The following HTR4 variants were observed in gnomAD, a reference collection of about 807,000 sequenced individuals.
HTR4 encodes the protein 5-hydroxytryptamine (serotonin) receptor 4, G protein-coupled.
Under a neutral mutation model 36.8 loss-of-function variants are expected in HTR4, and 16 were observed. The ratio of observed to expected loss-of-function variants is 0.43; its 90% CI spans 0.29 to 0.66. The LOEUF (loss-of-function observed/expected upper bound fraction) is 0.66. Among genes scored for constraint, HTR4 ranks in the 30% least tolerant of loss-of-function variants. The probability of loss-of-function intolerance (pLI) is 0.13; values close to 1 mark genes in which losing one functional copy is unlikely to be tolerated. For missense variants in HTR4, 438 were observed against 490.9 expected, an observed-to-expected ratio of 0.89 and a Z score of 1.02; for synonymous variants, 189 against 185.1, an observed-to-expected ratio of 1.02 and a Z score of -0.17.
At position 148,598,525 on chromosome 5, in the gene HTR4, C is replaced by A. The variant is rs190344235; in HGVS notation, c.26+38464G>T. Among the ~76,000 whole-genome samples the A allele has an allele frequency of 4.6e-5, 7 of 151,566 alleles. No homozygotes were observed. In the East Asian group the frequency reaches 1.2e-3, roughly 25 times the overall value. On this transcript the variant is annotated intron_variant, in intron 2 of 6. Coordinates refer to ENST00000377888, the MANE Select transcript of HTR4 (RefSeq NM_000870.7). ...CAAGATCTTACCACTGCACTCCAGC[C>A]TGGGTGACAGAGTGAGACTCTGTCT... is the stretch of plus-strand genomic sequence containing the variant.
chr5:148,457,493 G>A (rs1484512039), intron 5 of HTR4, among the ~76,000 whole-genome samples: 1 of 151,908 alleles, frequency 6.6e-6, no homozygotes, highest in African/African-American at 2.4e-5. Context: ...AGCCCCCTCT[G>A]CCTGCCCAGG....
chr5:148,491,472 T>G (rs560810398), intron 6 of HTR4, among the ~76,000 whole-genome samples: 1 of 152,274 alleles, frequency 6.6e-6, no homozygotes, highest in South Asian at 2.1e-4. Flanking sequence ...CTCAGAGGAC[T>G]AGTTTGAAGC....
chr5:148,518,893 T>C (rs1443995523), intron 5 of HTR4, among the ~76,000 whole-genome samples: 3 of 152,206 alleles, frequency 2.0e-5, no homozygotes, highest in Admixed American at 6.6e-5. Flanking sequence ...AAGGTGAATG[T>C]CATGTGTAAA....
chr5:148,470,668 G>A (rs573452904), intron 5 of HTR4, among the ~76,000 whole-genome samples: 1 of 152,290 alleles, frequency 6.6e-6, no homozygotes, highest in Admixed American at 6.5e-5. Flanking sequence ...CAGAGCTGTA[G>A]TTTGCTAACT....
chr5:148,615,082 G>A (rs1245539377), intron 2 of HTR4, among the ~76,000 whole-genome samples: 18 of 151,482 alleles, frequency 1.2e-4, no homozygotes, highest in African/African-American at 4.4e-4. Context: ...ACTGTTGGTG[G>A]GACTGTAAAC....
Position 148,516,360 on chromosome 5 carries a change from C to A in HTR4, c.508-6336G>T, listed in dbSNP as rs2113784355. 2.1e-5 allele frequency among the ~76,000 whole-genome samples: 3 copies of A among 139,798 alleles called. No individual in the cohort carries two copies. In the Middle Eastern group the frequency reaches 0.012, roughly 550 times the overall value. 91.7% of individuals were successfully genotyped at this position (139,798 alleles called of 152,430 possible). A position where few individuals can be genotyped will look rare whatever the true frequency, so the allele number is the denominator to read the frequency against. ...TTTGAGACTAGGTCTTGCTGTGTCA[C>A]CCAGGCTGGAGTGCAATGGCACAAT... is the stretch of plus-strand genomic sequence containing the variant. On this transcript the variant is annotated intron_variant, in intron 5 of 6. Transcript: ENST00000377888.
intron 1 of HTR4, among the ~76,000 whole-genome samples, chr5:148,643,541 G>A (rs1262467171): frequency 6.6e-6 from 1 of 152,154 alleles, no homozygotes; most frequent in Non-Finnish European, 1.5e-5. Flanking sequence ...AGAAGATTCA[G>A]TCATTAATTT....
downstream of HTR4, chr5:148,476,883 A>G (rs1039329863): frequency 3.7e-6 from 5 of 1,361,074 alleles, no homozygotes; most frequent in African/African-American, 7.3e-5. Flanking sequence ...AGGCTGGAAA[A>G]GACTTCAGGT....
intron 5 of HTR4, among the ~76,000 whole-genome samples, chr5:148,521,762 T>C (rs777944659): frequency 2.0e-5 from 3 of 152,088 alleles, no homozygotes; most frequent in Admixed American, 6.6e-5. Context: ...TTCTTCTCCA[T>C]TGAGAACCAA....
chr5:148,501,989 G>A lies in HTR4; in HGVS notation c.1076+7467C>T, dbSNP rs533469420. ...GAAAGAGAATGGCGTGAACCTGGGA[G>A]GCAGAGCTTGCAGTGAGCCCAGATC... On this transcript the variant is annotated intron_variant, in intron 6 of 6. Transcript: ENST00000377888. 3.3e-5 allele frequency among the ~76,000 whole-genome samples: 5 copies of A among 152,090 alleles called. 1 individual carries two copies. The highest frequency in any genetic ancestry group is 1.2e-4 in the African/African-American group (5 of 41,484).
intron 5 of HTR4, among the ~76,000 whole-genome samples, chr5:148,511,619 T>TTTTGTGTGTGTG (rs1757500855): frequency 7.2e-6 from 1 of 139,276 alleles, no homozygotes; most frequent in African/African-American, 2.6e-5. Flanking sequence ...TTGTGGAAGT[T>TTTTGTGTGTGTG]TGTGTGTGTG....
chr5:148,482,905 A>C lies in HTR4; in HGVS notation c.*298T>G. The C allele has an allele frequency of 1.5e-6, 2 of 1,293,704 alleles. No individual in the cohort carries two copies. Among genetic ancestry groups the C allele is most frequent in the Non-Finnish European group, 2.0e-6 (2 of 1,010,718 alleles). The allele number at this position is 1,293,704 out of a possible 1,614,324, so 80.1% of individuals were successfully genotyped here. On this transcript the variant is annotated 3_prime_UTR_variant, in exon 7 of 7. Coordinates refer to ENST00000377888, the MANE Select transcript of HTR4 (RefSeq NM_000870.7). The stretch of plus-strand genomic sequence containing the variant: ...AACGTGAGTGAGACAGATCAGACAC[A>C]GTGAGTGACGGGAACATGTCAGAGA...
In HTR4 at chr5:148,573,049, C is replaced by T. The variant is rs151155999; in HGVS notation, c.27-22787G>A. Among the ~76,000 whole-genome samples the T allele has an allele frequency of 3.0e-3, 457 of 152,152 alleles. 1 individual carries two copies. The Middle Eastern group carries it at 0.034, about 11-fold the overall frequency. On this transcript the variant is annotated intron_variant, in intron 2 of 6. Transcript: ENST00000377888. The stretch of plus-strand genomic sequence containing the variant: ...GAAATGGAGATCTCATTCGAGAGAC[C>T]AAACAGCTCAGAGGTTCTGGAGCAG...
intron 4 of HTR4, among the ~76,000 whole-genome samples, chr5:148,538,075 C>T (rs928815192): frequency 2.0e-5 from 3 of 152,106 alleles, no homozygotes; most frequent in Non-Finnish European, 4.4e-5. Flanking sequence ...GTTGGTTCAA[C>T]ATACACAAAC....
intron 5 of HTR4, among the ~76,000 whole-genome samples, chr5:148,464,780 A>G (rs1755379846): frequency 6.6e-6 from 1 of 152,200 alleles, no homozygotes; most frequent in African/African-American, 2.4e-5. Flanking sequence ...ACCTGCACAC[A>G]TGTATACAGG....
At chr5:148,485,999 TAAATAAAGATTGA>T (rs1235302684) in intron 6 of HTR4, among the ~76,000 whole-genome samples, 2 of 152,204 alleles carry the variant, frequency 1.3e-5, no homozygotes, top group Non-Finnish European at 2.9e-5. Context: ...TTTAGAGATT[TAAATAAAGATTGA>T]AAATACTCTA....
chr5:148,524,838 A>G (rs1431500034), intron 4 of HTR4, among the ~76,000 whole-genome samples: 1 of 152,144 alleles, frequency 6.6e-6, no homozygotes, highest in Non-Finnish European at 1.5e-5. Flanking sequence ...TAACAAAACA[A>G]TGGCTATATT....
chr5:148,569,077 G>GT (rs571746258), intron 2 of HTR4, among the ~76,000 whole-genome samples: 6,480 of 145,752 alleles, frequency 0.044, 221 homozygotes, highest in South Asian at 0.1. Flanking sequence ...AGACAGAAGA[G>GT]TTTTTTTTTT....
intron 1 of HTR4, among the ~76,000 whole-genome samples, chr5:148,650,785 GC>G (rs1453253772): frequency 6.6e-6 from 1 of 152,134 alleles, no homozygotes; most frequent in Non-Finnish European, 1.5e-5. Flanking sequence ...CAGAGAGGGG[GC>G]AAAGTCATAA....
Sources: gnomAD v4.1 joint callset for allele counts (sites outside exome capture counted in the v4.1 genomes callset) on GRCh38, gnomAD v4.1.1 for gene constraint, MANE v1.5 for transcripts, NCBI Gene and HGNC (gene_info 2026-07-23, HGNC 2026-07-21) for gene names.